WWP2: variants seen among roughly 807,000 people sequenced by gnomAD.
WWP2 encodes NEDD4-like E3 ubiquitin-protein ligase WWP2.
WWP2 carries 57 observed loss-of-function variants against 121.0 expected under a neutral mutation model. The ratio of observed to expected loss-of-function variants is 0.47; its 90% CI spans 0.38 to 0.59. The LOEUF (loss-of-function observed/expected upper bound fraction) is 0.59. WWP2 is among the 20% of genes least tolerant of loss of function. The pLI is 0.00. For missense variants in WWP2, 962 were observed against 1,158.9 expected (o/e 0.83, Z 2.47); for synonymous variants, 449 against 441.3 (o/e 1.02, Z -0.22).
chr16:69,936,624 C>T, intron 19 of WWP2, 172 bp downstream of exon 19: 1 of 935,812 alleles, frequency 1.1e-6, no homozygotes, highest in Non-Finnish European at 1.6e-6. Context: ...CTGGGGGAAC[C>T]AAAGCCGAGG....
At chr16:69,833,636 T>G (rs1190007913) in intron 4 of WWP2, among the ~76,000 whole-genome samples, 1 of 152,226 alleles carries the variant, frequency 6.6e-6, no homozygotes, top group African/African-American at 2.4e-5. Context: ...AACAGAAGGG[T>G]GCAGTCGTAT....
In WWP2 at chr16:69,931,532, G is replaced by A. The variant is rs1390329683; in HGVS notation, c.1545G>A (p.Val515=). The A allele has an allele frequency of 1.9e-6, 3 of 1,613,336 alleles. No homozygotes were observed. Among genetic ancestry groups the A allele is most frequent in the Non-Finnish European group, 2.5e-6 (3 of 1,179,918 alleles). The part of the protein sequence containing the change: ...LCHSNALPSH[V]KISVSRQTLF... Reference sequence around the variant, plus strand: ...AGTCAAATGCCCTACCTAGCCACGTGAAGATCAGCGTTTCCAGGCAGACGC... The same window carrying A: ...AGTCAAATGCCCTACCTAGCCACGTAAAGATCAGCGTTTCCAGGCAGACGC... The change falls in exon 15 of 24, where the codon GTG becomes GTA. Residue 515 remains valine, a synonymous_variant. Transcript: ENST00000359154.
At chr16:69,919,526 A>G (rs1490609647) in intron 10 of WWP2, among the ~76,000 whole-genome samples, 1 of 152,118 alleles carries the variant, frequency 6.6e-6, no homozygotes, top group Non-Finnish European at 1.5e-5. Context: ...AACTGCCTAA[A>G]CAGTCTCCTA....
chr16:69,777,901 TG>T (rs1026759278), intron 1 of WWP2, among the ~76,000 whole-genome samples: 1 of 150,422 alleles, frequency 6.6e-6, no homozygotes, highest in Non-Finnish European at 1.5e-5. Flanking sequence ...CCCCTTCATC[TG>T]TACAAAAAAT....
At chr16:69,809,308 G>A (rs1046062415) in intron 4 of WWP2, among the ~76,000 whole-genome samples, 3 of 152,282 alleles carry the variant, frequency 2.0e-5, no homozygotes, top group African/African-American at 7.2e-5. Flanking sequence ...TCTATTTAGA[G>A]CCAGGTTATT....
At chr16:69,920,585 A>G (rs913269971) in intron 10 of WWP2, among the ~76,000 whole-genome samples, 2 of 151,850 alleles carry the variant, frequency 1.3e-5, no homozygotes, top group African/African-American at 4.8e-5. Context: ...GGAGTTTCAC[A>G]TGGTTTTTGT....
intron 7 of WWP2, among the ~76,000 whole-genome samples, chr16:69,885,070 C>A (rs192031391): frequency 1.5e-4 from 22 of 151,220 alleles, no homozygotes; most frequent in African/African-American, 5.1e-4. Context: ...ACTCCCCCTA[C>A]ACACACACAC....
chr16:69,850,809 C>CTTGT (rs760039269), intron 6 of WWP2, among the ~76,000 whole-genome samples: 2 of 151,958 alleles, frequency 1.3e-5, no homozygotes, highest in African/African-American at 2.4e-5. Context: ...TGTTGGTGTT[C>CTTGT]TTGTTTGTTT....
chr16:69,794,835 C>G (rs2055993699), intron 2 of WWP2, among the ~76,000 whole-genome samples: 1 of 152,106 alleles, frequency 6.6e-6, no homozygotes, highest in Non-Finnish European at 1.5e-5. Flanking sequence ...GGAGGATGTT[C>G]TAGATTTTAA....
chr16:69,849,204 T>C (rs1484173212), intron 6 of WWP2, among the ~76,000 whole-genome samples: 3 of 151,968 alleles, frequency 2.0e-5, no homozygotes, highest in Admixed American at 6.6e-5. Flanking sequence ...CGGGGGAGAA[T>C]TGGGAAGCAG....
chr16:69,764,946 A>G (rs547761379), intron 1 of WWP2, among the ~76,000 whole-genome samples: 2 of 152,358 alleles, frequency 1.3e-5, no homozygotes, highest in African/African-American at 2.4e-5. Context: ...GCTCATGCCT[A>G]TAATTCCAGC....
rs375953524 is a variant in WWP2, at chr16:69,930,124, T to G, written c.1317-6T>G. 3.6e-5 allele frequency: 58 copies of G among 1,613,766 alleles called. No homozygotes were observed. The highest frequency in any genetic ancestry group is 4.7e-5 in the Non-Finnish European group (55 of 1,179,900). On this transcript the variant is annotated splice_polypyrimidine_tract_variant and splice_region_variant and intron_variant, in intron 12 of 23. Transcript: ENST00000359154. ...GCCCTTCACCCTTTTCTTCCCGTGT[T>G]TCCAGGATGATCCAGGAACCAGCTC...
At chr16:69,928,989 C>T (rs1346176366) in intron 11 of WWP2, among the ~76,000 whole-genome samples, 1 of 152,152 alleles carries the variant, frequency 6.6e-6, no homozygotes, top group African/African-American at 2.4e-5. Context: ...AGGACCACGC[C>T]CTGTAGGACA....
At chr16:69,841,082 A>G (rs35273771) in intron 5 of WWP2, among the ~76,000 whole-genome samples, 2 of 152,338 alleles carry the variant, frequency 1.3e-5, no homozygotes, top group African/African-American at 2.4e-5. Flanking sequence ...CAACACATAT[A>G]TATGTAATTG....
In WWP2 at chr16:69,917,891, G is replaced by C. The variant is rs761861977; in HGVS notation, c.1179+8G>C. The C allele has an allele frequency of 3.7e-6, 6 of 1,606,544 alleles. No homozygotes were observed. In the Admixed American group the frequency reaches 1.0e-4, roughly 27 times the overall value. On this transcript the variant is annotated splice_region_variant and intron_variant, in intron 10 of 23. Transcript: ENST00000359154. ...CAAAGATTCCTCTACCAGGTGAGAG[G>C]GCAGGCGCTTGGCCCGAGGTGGGGC... is the stretch of plus-strand genomic sequence containing the variant.
chr16:69,767,344 A>G (rs541638422), intron 1 of WWP2, among the ~76,000 whole-genome samples: 1 of 152,366 alleles, frequency 6.6e-6, no homozygotes, highest in East Asian at 1.9e-4. Flanking sequence ...TCACGAGGTC[A>G]GATAGCTAAG....
chr16:69,859,257 C>T (rs2057373311), intron 6 of WWP2, among the ~76,000 whole-genome samples: 2 of 152,112 alleles, frequency 1.3e-5, no homozygotes, highest in Non-Finnish European at 2.9e-5. Context: ...GAATTCATAT[C>T]AAAGGTCATT....
chr16:69,915,243 T>G (rs2058462292), intron 9 of WWP2, among the ~76,000 whole-genome samples: 1 of 152,220 alleles, frequency 6.6e-6, no homozygotes, highest in Non-Finnish European at 1.5e-5. Context: ...AGTAAGGAAA[T>G]GTACTTATAG....
chr16:69,796,450 G>T (rs1346182779), intron 2 of WWP2, among the ~76,000 whole-genome samples: 1 of 152,176 alleles, frequency 6.6e-6, no homozygotes, highest in Admixed American at 6.5e-5. Flanking sequence ...AGGGGTACAC[G>T]GCAGAGTATC....
Sources: allele counts gnomAD v4.1 joint callset (sites outside exome capture counted in the v4.1 genomes callset), GRCh38; gene constraint gnomAD v4.1.1; transcripts MANE v1.5; gene names NCBI Gene and HGNC (gene_info 2026-07-23, HGNC 2026-07-21).